SLC2A11: variants seen among roughly 807,000 people sequenced by gnomAD.
The protein encoded by SLC2A11 is solute carrier family 2 member 11, also known as solute carrier family 2, facilitated glucose transporter member 11.
In SLC2A11, 43 loss-of-function variants were observed where a neutral mutation model predicts 52.1. The observed-to-expected ratio is 0.82, with a 90% CI of 0.65 to 1.06. SLC2A11 has a LOEUF of 1.06. Among genes scored for constraint, SLC2A11 ranks in the 50% least tolerant of loss-of-function variants. The pLI is 0.00. For synonymous variants in SLC2A11, 261 were observed against 277.6 expected (o/e 0.94, Z 0.59); for missense variants, 582 against 654.2 (o/e 0.89, Z 1.20).
chr22:23,867,821 A>G (rs1480468980), intron 2 of SLC2A11: 9 of 466,444 alleles, frequency 1.9e-5, no homozygotes, highest in Admixed American at 4.7e-5. Flanking sequence ...CTAGCAACCT[A>G]CTCTCCCAGG....
At chr22:23,857,247 C>A, upstream of SLC2A11, 1 of 723,226 alleles carries the variant, frequency 1.4e-6, no homozygotes, top group Admixed American at 2.5e-5. Context: ...GACAGAGACC[C>A]GCAGACATTT....
Position 23,884,456 on chromosome 22 carries a change from C to T in SLC2A11, c.1299+27C>T, listed in dbSNP as rs1309911025. 6.2e-7 allele frequency: 1 copy of T among 1,607,544 alleles called. No individual in the cohort carries two copies. The highest frequency in any genetic ancestry group is 1.7e-5 in the Admixed American group (1 of 59,456). On this transcript the variant is annotated intron_variant, in intron 11 of 11. Coordinates refer to ENST00000316185, the MANE Select transcript of SLC2A11 (RefSeq NM_001024939.4). This position sits in a 1 kb window ranked among gnomAD's most constrained non-coding sequence, Gnocchi z 4.3. ...TAGGCCCGCCCCTCCCGCTGGGGGC[C>T]CTGCCTTAGGCTGTGTCCCTGTCAT...
intron 3 of SLC2A11, among the ~76,000 whole-genome samples, chr22:23,874,743 C>T (rs1345111561): frequency 1.3e-5 from 2 of 151,998 alleles, no homozygotes; most frequent in African/African-American, 2.4e-5. Flanking sequence ...TGAGCCACCG[C>T]GCCCAGCCTA....
intron 3 of SLC2A11, among the ~76,000 whole-genome samples, chr22:23,874,831 C>A (rs1047398651): frequency 6.6e-6 from 1 of 151,190 alleles, no homozygotes; most frequent in African/African-American, 2.4e-5. Context: ...GTGATCTGCC[C>A]GCTTCAACCT....
chr22:23,875,018 CTAAT>C (rs2032570713), intron 3 of SLC2A11, 95 bp from the exon 4 acceptor site: 9 of 1,321,230 alleles, frequency 6.8e-6, no homozygotes, highest in Non-Finnish European at 8.9e-6. Flanking sequence ...GTGTGTGTGT[CTAAT>C]TAAGGCTTGT....
chr22:23,868,671 C>T (rs1166320236), intron 3 of SLC2A11, 30 bp downstream of exon 3: 1 of 1,612,252 alleles, frequency 6.2e-7, no homozygotes. Context: ...CCCCTGAATG[C>T]CCTTTAATGA....
At chr22:23,863,671 C>T (rs2032159204) in intron 2 of SLC2A11, among the ~76,000 whole-genome samples, 1 of 129,874 alleles carries the variant, frequency 7.7e-6, no homozygotes. Context: ...GGCTGGAGTG[C>T]AGTGGTGCAA....
upstream of SLC2A11, chr22:23,857,580 C>A (rs771957535): frequency 3.4e-6 from 5 of 1,478,430 alleles, no homozygotes; most frequent in Non-Finnish European, 2.8e-6. Context: ...ACCCCAAACC[C>A]CCCCCCCGCG....
At chr22:23,860,268 G>T (rs1008720325) in intron 1 of SLC2A11, among the ~76,000 whole-genome samples, 1 of 152,056 alleles carries the variant, frequency 6.6e-6, no homozygotes, top group Non-Finnish European at 1.5e-5. Context: ...AAAAAAATTA[G>T]CCCAGCATGA....
In SLC2A11 at chr22:23,882,634, C is replaced by A. The variant is rs755650171; in HGVS notation, c.870C>A (p.Cys290Ter). The part of the protein sequence containing the change: ...LVVLGSAMEL[C>*]GNDSVYAYAS... ...TTCTGGGCAGTGCCATGGAGCTCTGCGGGAATGACTCGGTGAGACCCCTGC... is the reference window on the plus strand; with the variant it reads ...TTCTGGGCAGTGCCATGGAGCTCTGAGGGAATGACTCGGTGAGACCCCTGC... Residue 290 changes from cysteine to a stop codon, truncating the protein, a stop_gained, in exon 7 of 12, where the codon TGC becomes TGA. Transcript: ENST00000316185. LOFTEE classifies it high-confidence loss of function. 3.7e-6 allele frequency: 6 copies of A among 1,612,138 alleles called. No individual in the cohort carries two copies. Among genetic ancestry groups the A allele is most frequent in the Admixed American group, 1.7e-5 (1 of 59,868 alleles).
upstream of SLC2A11, chr22:23,856,987 G>A: frequency 1.2e-6 from 2 of 1,605,608 alleles, no homozygotes; most frequent in South Asian, 2.2e-5. Flanking sequence ...GCGCTCCGAA[G>A]ACTGGTGGGT....
rs1201909962 is a variant in SLC2A11 at position 23,882,005 on chromosome 22, CAG to C, written c.695-442_695-441del. ...ACAGAGAGATTGAGAGAGACAGAGG[CAG>C]AGAGAGAGAGAAACACACACACAGA... On this transcript the variant is annotated intron_variant, in intron 6 of 11. Transcript: ENST00000316185. 7.0e-4 allele frequency: 114 copies of C among 161,994 alleles called. 1 individual carries two copies. Among genetic ancestry groups the C allele is most frequent in the African/African-American group, 2.4e-3 (71 of 29,450 alleles). 10.0% of individuals were successfully genotyped at this position (161,994 alleles called of 1,614,324 possible).
intron 8 of SLC2A11, 29 bp from the exon 9 acceptor site, chr22:23,883,743 G>A (rs375467591): frequency 1.4e-6 from 2 of 1,480,962 alleles, no homozygotes; most frequent in African/African-American, 1.4e-5. Flanking sequence ...ATGGCTGGGT[G>A]TGTGGGTCTG....
In SLC2A11 at chr22:23,882,600, G is replaced by A. The variant is rs762163050; in HGVS notation, c.836G>A (p.Ser279Asn). 6.2e-7 allele frequency: 1 copy of A among 1,613,392 alleles called. No individual in the cohort carries two copies. Among genetic ancestry groups the A allele is most frequent in the African/African-American group, 1.3e-5 (1 of 74,924 alleles). Residue 279 changes from serine to asparagine, a missense_variant, in exon 7 of 12, where the codon AGC (serine) becomes AAC (asparagine). Transcript: ENST00000316185. ...CGGGCCCTGAGGAGACAGGTGACAA[G>A]CCTCGTGGTTCTGGGCAGTGCCATG... ...QHRALRRQVT[S>N]LVVLGSAMEL...
rs563492110 is a variant in SLC2A11, at chr22:23,884,513, G to A, written c.1299+84G>A. On this transcript the variant is annotated intron_variant, in intron 11 of 11. Coordinates refer to ENST00000316185, the MANE Select transcript of SLC2A11 (RefSeq NM_001024939.4). This position sits in a 1 kb window ranked among gnomAD's most constrained non-coding sequence, Gnocchi z 4.3. Reference sequence around the variant, plus strand: ...AACCCCAGGGGGAGGCTTCCATCCAGGGAGACTGAGACTGAAAGGGAGGGG... The same window carrying A: ...AACCCCAGGGGGAGGCTTCCATCCAAGGAGACTGAGACTGAAAGGGAGGGG... The A allele has an allele frequency of 1.9e-3, 2,937 of 1,563,330 alleles. 68 individuals carry two copies. The South Asian group carries it at 0.034, about 18-fold the overall frequency.
intron 6 of SLC2A11, chr22:23,881,841 C>T (rs1247172190): frequency 7.4e-6 from 1 of 134,892 alleles, no homozygotes; most frequent in Non-Finnish European, 1.6e-5. Context: ...CACACACACA[C>T]AGACACAGAG....
intron 2 of SLC2A11, among the ~76,000 whole-genome samples, chr22:23,864,094 T>C (rs1229467857): frequency 5.3e-5 from 8 of 151,964 alleles, no homozygotes; most frequent in Non-Finnish European, 1.0e-4. Flanking sequence ...CCCAGACCAG[T>C]AATGTGGTCA....
upstream of SLC2A11, chr22:23,857,332 C>G (rs17637865): frequency 5.7e-6 from 7 of 1,227,326 alleles, no homozygotes; most frequent in African/African-American, 9.0e-5. Flanking sequence ...GGGAGCGCGG[C>G]GACCAGAGTC....
intron 3 of SLC2A11, chr22:23,871,272 G>A (rs937078767): frequency 4.9e-5 from 7 of 143,042 alleles, no homozygotes; most frequent in African/African-American, 1.9e-4. Context: ...CGGGCATGGT[G>A]GTGGAGACGC....
Sources: gnomAD v4.1 joint callset for allele counts (sites outside exome capture counted in the v4.1 genomes callset) on GRCh38, gnomAD v4.1.1 for gene constraint, Gnocchi (gnomAD v3.1) non-coding constraint, MANE v1.5 for transcripts, NCBI Gene and HGNC (gene_info 2026-07-23, HGNC 2026-07-21) for gene names.